The following ZNF100 variants were observed in gnomAD, a reference collection of about 807,000 sequenced individuals.
The protein encoded by ZNF100 is zinc finger protein 100, also known as zinc finger protein 100 (Y1).
Under a neutral mutation model 15.8 loss-of-function variants are expected in ZNF100, and 12 were observed. That is an observed-to-expected ratio of 0.76 (90% CI 0.49 to 1.23). ZNF100 has a LOEUF of 1.23. ZNF100 is among the 50% of genes most tolerant of loss of function. ZNF100 has a pLI of 0.00. For synonymous variants in ZNF100, 226 were observed against 214.8 expected, an observed-to-expected ratio of 1.05 and a Z score of -0.45; for missense variants, 670 against 635.6, an observed-to-expected ratio of 1.05 and a Z score of -0.58.
At chr19:21,759,110 T>C (rs1245297898) in intron 2 of ZNF100, among the ~76,000 whole-genome samples, 7 of 152,164 alleles carry the variant, frequency 4.6e-5, no homozygotes, top group South Asian at 2.1e-4. Flanking sequence ...CTCTTTGCAG[T>C]TGCCAGTCAC....
At chr19:21,739,560 T>C (rs539069422) in intron 4 of ZNF100, among the ~76,000 whole-genome samples, 202 of 152,188 alleles carry the variant, frequency 1.3e-3, no homozygotes, top group African/African-American at 4.2e-3. Context: ...TGTCTGAAAA[T>C]GACAACAACA....
chr19:21,730,523 A>C (rs188241807), intron 4 of ZNF100, among the ~76,000 whole-genome samples: 2 of 152,154 alleles, frequency 1.3e-5, no homozygotes, highest in East Asian at 3.9e-4. Flanking sequence ...ATATTGATAG[A>C]ACTGAAGAAA....
intron 4 of ZNF100, 139 bp downstream of exon 4, chr19:21,743,878 C>CA (rs1237626399): frequency 1.4e-5 from 10 of 724,182 alleles, no homozygotes; most frequent in African/African-American, 9.9e-5. Context: ...AAAAAAAGCC[C>CA]AAAAAACAAA....
intron 4 of ZNF100, among the ~76,000 whole-genome samples, chr19:21,740,575 G>C (rs773485366): frequency 3.9e-5 from 6 of 152,160 alleles, no homozygotes; most frequent in Non-Finnish European, 8.8e-5. Flanking sequence ...TAATATTCGG[G>C]CCAGGTGCAG....
At chr19:21,751,638 T>C (rs1393058489) in intron 2 of ZNF100, 9 of 1,499,666 alleles carry the variant, frequency 6.0e-6, no homozygotes, top group Non-Finnish European at 6.5e-6. Context: ...GACATTACAG[T>C]TGAGGACATG....
intron 2 of ZNF100, among the ~76,000 whole-genome samples, chr19:21,750,102 G>C (rs1419398217): frequency 6.6e-6 from 1 of 152,218 alleles, no homozygotes; most frequent in Non-Finnish European, 1.5e-5. Context: ...GGCCAAGCTT[G>C]AGGACTGTAA....
intron 2 of ZNF100, among the ~76,000 whole-genome samples, chr19:21,761,000 T>G (rs2036475648): frequency 6.6e-6 from 1 of 152,010 alleles, no homozygotes; most frequent in South Asian, 2.1e-4. Flanking sequence ...CTTCGTGATC[T>G]GCCCGCTTCA....
chr19:21,744,376 C>A (rs2036174449), intron 3 of ZNF100, among the ~76,000 whole-genome samples: 1 of 151,802 alleles, frequency 6.6e-6, no homozygotes, highest in Admixed American at 6.6e-5. Context: ...CATATATATA[C>A]ATTTATTTAT....
intron 2 of ZNF100, among the ~76,000 whole-genome samples, chr19:21,757,472 G>A (rs1180950465): frequency 2.0e-5 from 3 of 152,160 alleles, no homozygotes; most frequent in African/African-American, 7.2e-5. Flanking sequence ...ATACTGGCAA[G>A]GTTGCAGAGA....
At chr19:21,732,695 G>A (rs1345387110) in intron 4 of ZNF100, among the ~76,000 whole-genome samples, 1 of 151,138 alleles carries the variant, frequency 6.6e-6, no homozygotes, top group Non-Finnish European at 1.5e-5. Flanking sequence ...CGTATTGGAT[G>A]CCATCAAGTA....
At chr19:21,751,155 G>A (rs761061905) in intron 2 of ZNF100, 1 of 1,338,400 alleles carries the variant, frequency 7.5e-7, no homozygotes, top group East Asian at 2.3e-5. Context: ...ACAAGAGGAA[G>A]AGCAACCACT....
intron 2 of ZNF100, among the ~76,000 whole-genome samples, chr19:21,763,789 AC>A (rs1219094156): frequency 6.6e-6 from 1 of 151,966 alleles, no homozygotes; most frequent in Non-Finnish European, 1.5e-5. Context: ...TTCCCTTCCC[AC>A]CTTCTCTCTA....
intron 1 of ZNF100, among the ~76,000 whole-genome samples, chr19:21,766,366 T>A (rs1291304174): frequency 6.7e-6 from 1 of 150,216 alleles, no homozygotes; most frequent in African/African-American, 2.4e-5. Flanking sequence ...TGAAAATAAT[T>A]AAGAGACAGG....
chr19:21,727,641 T>C lies in ZNF100; in HGVS notation c.671A>G (p.Lys224Arg), dbSNP rs1287543640. 1.9e-6 allele frequency: 3 copies of C among 1,611,686 alleles called. No homozygotes were observed. Among genetic ancestry groups the C allele is most frequent in the African/African-American group, 2.7e-5 (2 of 74,730 alleles). ...FCMLLHLTQH[K>R]RFHITENSYQ... is the part of the protein sequence containing the mutation. Reference sequence around the variant, plus strand: ...GGAATTCTCTGTAATATGAAATCTTTTATGTTGAGTTAGGTGTAAAAGCAT... The same window carrying C: ...GGAATTCTCTGTAATATGAAATCTTCTATGTTGAGTTAGGTGTAAAAGCAT... The change falls in exon 5 of 5, where the codon AAA (lysine) becomes AGA (arginine). Residue 224 changes from lysine to arginine, a missense_variant. By Grantham distance (26) the Lys-to-Arg change is conservative. Coordinates refer to ENST00000358296, the MANE Select transcript of ZNF100 (RefSeq NM_173531.4).
At chr19:21,754,371 ACT>A (rs1452249293) in intron 2 of ZNF100, among the ~76,000 whole-genome samples, 3 of 152,142 alleles carry the variant, frequency 2.0e-5, no homozygotes, top group South Asian at 2.1e-4. Flanking sequence ...AAGTTAATAA[ACT>A]CTTTTAATTA....
chr19:21,765,172 G>C (rs970834998), intron 2 of ZNF100, among the ~76,000 whole-genome samples: 6 of 152,062 alleles, frequency 3.9e-5, no homozygotes, highest in Non-Finnish European at 7.4e-5. Context: ...TACCTTTCAA[G>C]CCCTACTAAT....
chr19:21,729,446 C>T (rs367928619), intron 4 of ZNF100, among the ~76,000 whole-genome samples: 1 of 151,458 alleles, frequency 6.6e-6, no homozygotes, highest in Admixed American at 6.6e-5. Flanking sequence ...GGAGGGATAG[C>T]ATTAGGAGAA....
At chr19:21,759,994 C>G (rs1273570703) in intron 2 of ZNF100, among the ~76,000 whole-genome samples, 2 of 151,970 alleles carry the variant, frequency 1.3e-5, no homozygotes, top group Non-Finnish European at 2.9e-5. Flanking sequence ...ACCAGCCTGA[C>G]CAACATGGAG....
At position 21,745,027 on chromosome 19, in the gene ZNF100, A is replaced by G; in HGVS notation, c.137T>C (p.Leu46Pro). 2 of 1,613,312 alleles carry G rather than the reference A, an allele frequency of 1.2e-6. No individual in the cohort carries two copies. Among genetic ancestry groups the G allele is most frequent in the South Asian group, 2.2e-5 (2 of 90,852 alleles). Residue 46 changes from leucine (L) to proline (P), a missense_variant, in exon 3 of 5, where the codon CTG becomes CCG. Coordinates refer to ENST00000358296, the MANE Select transcript of ZNF100 (RefSeq NM_173531.4). ...TFRDVAIEFS[L>P]EEWQCLDSAQ... ...ACTGTCCAGGCATTGCCACTCCTCC[A>G]GAGAGAATTCTATGGCCACATCCCT...
Sources: allele counts gnomAD v4.1 joint callset (sites outside exome capture counted in the v4.1 genomes callset), GRCh38; gene constraint gnomAD v4.1.1; transcripts MANE v1.5; gene names NCBI Gene and HGNC (gene_info 2026-07-23, HGNC 2026-07-21).